The following ATG7 variants were observed in gnomAD, a reference collection of about 807,000 sequenced individuals.
ATG7 encodes the protein ubiquitin-like modifier-activating enzyme ATG7.
In ATG7, 70 loss-of-function variants were observed where a neutral mutation model predicts 82.4. The ratio of observed to expected loss-of-function variants is 0.85; its 90% CI spans 0.70 to 1.04. The LOEUF is 1.04. ATG7 is among the 50% of genes least tolerant of loss of function. The probability of loss-of-function intolerance (pLI) is 0.00; values close to 1 mark genes in which losing one functional copy is unlikely to be tolerated. For missense variants in ATG7, 792 were observed against 864.3 expected, an observed-to-expected ratio of 0.92 and a Z score of 1.05; for synonymous variants, 287 against 313.0, an observed-to-expected ratio of 0.92 and a Z score of 0.88.
At chr3:11,465,355 G>T (rs2086722520) in intron 20 of ATG7, among the ~76,000 whole-genome samples, 1 of 151,244 alleles carries the variant, frequency 6.6e-6, no homozygotes, top group African/African-American at 2.4e-5. Context: ...TGAGGCAGGA[G>T]AATGGCGTGA....
At chr3:11,336,924 C>T (rs1415735807) in intron 11 of ATG7, among the ~76,000 whole-genome samples, 1 of 152,126 alleles carries the variant, frequency 6.6e-6, no homozygotes, top group Non-Finnish European at 1.5e-5. Context: ...CCTCTAGCCT[C>T]AGCCACCCAA....
rs1477760457 is a variant in ATG7 at position 11,315,000 on chromosome 3, G to A, written c.529-344G>A. On this transcript the variant is annotated intron_variant, in intron 8 of 20. Coordinates refer to ENST00000693202, the MANE Select transcript of ATG7 (RefSeq NM_001349232.2). ...GCTGTTGAAGATTATGGAAAGGTTC[G>A]GGGTAAAATTCATCAGGGGTAGATT... Among the ~76,000 whole-genome samples, 4 of 152,232 alleles carry A rather than the reference G, an allele frequency of 2.6e-5. No homozygotes were observed. In the South Asian group the frequency reaches 6.2e-4, roughly 24 times the overall value.
rs374231663 is a variant in ATG7, at chr3:11,353,160, T to A, written c.1284+5125T>A. 5.3e-5 allele frequency among the ~76,000 whole-genome samples: 8 copies of A among 152,172 alleles called. No homozygotes were observed. The East Asian group carries it at 1.5e-3, about 29-fold the overall frequency. On this transcript the variant is annotated intron_variant, in intron 14 of 20. Transcript: ENST00000693202. ...AGCCCCTTTAAAAATGTTTAAATTT[T>A]GGGCCGGGCACAGTGGCTGATGCCT... is the stretch of plus-strand genomic sequence containing the variant.
chr3:11,323,103 AAGTT>A, intron 9 of ATG7, among the ~76,000 whole-genome samples: 1 of 152,220 alleles, frequency 6.6e-6, no homozygotes, highest in Admixed American at 6.5e-5. Flanking sequence ...TCAAAAAAAA[AAGTT>A]AGAACATGTT....
At chr3:11,289,033 A>G (rs1480047478) in intron 3 of ATG7, among the ~76,000 whole-genome samples, 2 of 152,182 alleles carry the variant, frequency 1.3e-5, no homozygotes, top group African/African-American at 4.8e-5. Flanking sequence ...GTAACTCAGG[A>G]TGTTTCACAT....
intron 20 of ATG7, among the ~76,000 whole-genome samples, chr3:11,464,242 T>C (rs934140267): frequency 1.1e-4 from 16 of 152,188 alleles, no homozygotes; most frequent in African/African-American, 3.4e-4. Flanking sequence ...CATGGTGTTA[T>C]GCACCTGAAG....
intron 20 of ATG7, among the ~76,000 whole-genome samples, chr3:11,485,753 T>G (rs1347570012): frequency 6.6e-6 from 1 of 152,236 alleles, no homozygotes; most frequent in Non-Finnish European, 1.5e-5. Flanking sequence ...TTCAGCTTTC[T>G]ACGTATGGCT....
intron 20 of ATG7, among the ~76,000 whole-genome samples, chr3:11,523,106 G>A (rs576565543): frequency 6.6e-6 from 1 of 152,272 alleles, no homozygotes; most frequent in East Asian, 1.9e-4. Context: ...GCTTCCTTGG[G>A]TGTTTGTATT....
chr3:11,559,415 C>G (rs566280584), downstream of ATG7: 1 of 1,563,068 alleles, frequency 6.4e-7, no homozygotes, highest in East Asian at 2.4e-5. Context: ...GTTGCAGTTG[C>G]GGGCGCCAGC....
rs139707229 is a variant in ATG7 at position 11,336,498 on chromosome 3, A to G, written c.889+3405A>G. On this transcript the variant is annotated intron_variant, in intron 11 of 20. Coordinates refer to ENST00000693202, the MANE Select transcript of ATG7 (RefSeq NM_001349232.2). ...TTTCCTGTTTTTCATGTAAATTAAT[A>G]TGTTCCCTCTTAGCTGTAAATAAAA... Among the ~76,000 whole-genome samples, 23 of 152,300 alleles carry G rather than the reference A, an allele frequency of 1.5e-4. No homozygotes were observed. In the East Asian group the frequency reaches 3.9e-3, roughly 26 times the overall value.
At chr3:11,399,173 C>T (rs1248496181) in intron 19 of ATG7, among the ~76,000 whole-genome samples, 1 of 152,144 alleles carries the variant, frequency 6.6e-6, no homozygotes, top group Non-Finnish European at 1.5e-5. Flanking sequence ...CATGGTGAAA[C>T]TCCATTTCTA....
chr3:11,423,348 TAA>T (rs1254391373), intron 19 of ATG7, among the ~76,000 whole-genome samples: 3 of 152,134 alleles, frequency 2.0e-5, no homozygotes, highest in African/African-American at 7.2e-5. Context: ...GATATAATAA[TAA>T]TGAAAAAGTT....
chr3:11,478,881 TTATG>T (rs1396115447), intron 20 of ATG7, among the ~76,000 whole-genome samples: 1 of 152,126 alleles, frequency 6.6e-6, no homozygotes, highest in African/African-American at 2.4e-5. Flanking sequence ...TAATAAGTAT[TTATG>T]TATATAATTG....
intron 20 of ATG7, among the ~76,000 whole-genome samples, chr3:11,537,385 G>A (rs531415430): frequency 6.6e-6 from 1 of 152,238 alleles, no homozygotes; most frequent in Non-Finnish European, 1.5e-5. Context: ...CCTCCACTAG[G>A]CAGGGACCTC....
At position 11,554,834 on chromosome 3, in the gene ATG7, G is replaced by T; in HGVS notation, c.2103G>T (p.Glu701Asp). ...AGATCTGGGACATGAGCGATGATGAGACCATCTGAGATGGCCCCGCTGTGG... is the reference window on the plus strand; with the variant it reads ...AGATCTGGGACATGAGCGATGATGATACCATCTGAGATGGCCCCGCTGTGG... Reference protein sequence around the residue: ...AAEIWDMSDDETI With the variant: ...AAEIWDMSDDDTI Residue 701 changes from glutamate to aspartate, a missense_variant, in exon 21 of 21, where the codon GAG becomes GAT. By Grantham distance (45) the Glu-to-Asp change is conservative. Transcript: ENST00000693202. The T allele has an allele frequency of 6.2e-7, 1 of 1,612,912 alleles. No homozygotes were observed. The highest frequency in any genetic ancestry group is 8.5e-7 in the Non-Finnish European group (1 of 1,179,626).
chr3:11,388,823 C>T (rs2078534555), intron 19 of ATG7, among the ~76,000 whole-genome samples: 1 of 152,116 alleles, frequency 6.6e-6, no homozygotes, highest in Admixed American at 6.5e-5. Flanking sequence ...GGAACATGGA[C>T]TTGTAACTGC....
chr3:11,416,091 A>G (rs998943359), intron 19 of ATG7, among the ~76,000 whole-genome samples: 1 of 152,230 alleles, frequency 6.6e-6, no homozygotes, highest in Non-Finnish European at 1.5e-5. Flanking sequence ...GTGGTGCATT[A>G]CTGTATCATT....
intron 5 of ATG7, among the ~76,000 whole-genome samples, chr3:11,301,041 A>G (rs1946700034): frequency 1.3e-5 from 2 of 152,196 alleles, no homozygotes. Context: ...AATGGCTCTA[A>G]TTAGGGAGGT....
At chr3:11,564,024 G>A in the ATG7 span, among the ~76,000 whole-genome samples, 1 of 152,248 alleles carries the variant, frequency 6.6e-6, no homozygotes, top group African/African-American at 2.4e-5. Context: ...GCACCCCCTC[G>A]GGGCACGGCA....
Sources: allele counts gnomAD v4.1 joint callset (sites outside exome capture counted in the v4.1 genomes callset), GRCh38; gene constraint gnomAD v4.1.1; transcripts MANE v1.5; gene names NCBI Gene and HGNC (gene_info 2026-07-23, HGNC 2026-07-21).